UMODL1: variants seen among roughly 807,000 people sequenced by gnomAD.
UMODL1 encodes uromodulin-like 1.
A neutral mutation model predicts 136.3 loss-of-function variants in UMODL1; 128 were observed. The observed-to-expected ratio is 0.94, with a 90% CI of 0.81 to 1.09. The LOEUF is 1.09. Among genes scored for constraint, UMODL1 ranks in the 50% least tolerant of loss-of-function variants. UMODL1 has a pLI of 0.00. For missense variants in UMODL1, 1,766 were observed against 1,725.6 expected, an observed-to-expected ratio of 1.02 and a Z score of -0.41; for synonymous variants, 721 against 720.0, an observed-to-expected ratio of 1.00 and a Z score of -0.02.
intron 22 of UMODL1, among the ~76,000 whole-genome samples, chr21:42,137,961 A>G (rs2067231381): frequency 6.6e-6 from 1 of 152,170 alleles, no homozygotes; most frequent in South Asian, 2.1e-4. Flanking sequence ...AAAAGCAACC[A>G]GGAGCAGGCA....
At chr21:42,090,959 C>T (rs773195430) in intron 6 of UMODL1, among the ~76,000 whole-genome samples, 13 of 152,204 alleles carry the variant, frequency 8.5e-5, no homozygotes, top group Non-Finnish European at 1.6e-4. Flanking sequence ...AGTGAGCTGC[C>T]GTTTTTTTCT....
chr21:42,124,248 C>A (rs2067021042), intron 17 of UMODL1, among the ~76,000 whole-genome samples: 1 of 152,230 alleles, frequency 6.6e-6, no homozygotes, highest in African/African-American at 2.4e-5. Context: ...CACCTTCCAC[C>A]AGCTCAGCCT....
chr21:42,110,884 C>G lies in UMODL1; in HGVS notation c.1662C>G (p.Asp554Glu), dbSNP rs760890845. 2.4e-5 allele frequency: 39 copies of G among 1,601,784 alleles called. No homozygotes were observed. In the Middle Eastern group the frequency reaches 3.6e-3, roughly 150 times the overall value. ...ACAGTGGATGTGTCTTGGCAGGTGA[C>G]CTGGTGAGCCCCATGGGCGGTGGAC... ...PSRAGRACEGDLVSPMGGGLS... is the reference protein window; with the variant it reads ...PSRAGRACEGELVSPMGGGLS... Residue 554 changes from aspartate to glutamate, a missense_variant, in exon 11 of 23, where the codon GAC becomes GAG. Coordinates refer to ENST00000408910, the MANE Select transcript of UMODL1 (RefSeq NM_001004416.3).
intron 9 of UMODL1, among the ~76,000 whole-genome samples, chr21:42,106,264 C>T (rs930398345): frequency 2.0e-5 from 3 of 152,224 alleles, no homozygotes; most frequent in South Asian, 4.1e-4. Context: ...GGGACATCCA[C>T]CCCCGCTGAG....
Position 42,126,869 on chromosome 21 carries a change from C to T in UMODL1, c.3294-137C>T, listed in dbSNP as rs141131957. ...TGAATAAATGGCCTCCAAGTGCTCTCGTTTGGGGTTGAGGGGGTCTTCTCG... is the reference window on the plus strand; with the variant it reads ...TGAATAAATGGCCTCCAAGTGCTCTTGTTTGGGGTTGAGGGGGTCTTCTCG... On this transcript the variant is annotated intron_variant, in intron 18 of 22. Transcript: ENST00000408910. 104 of 797,796 alleles carry T rather than the reference C, an allele frequency of 1.3e-4. No individual in the cohort carries two copies. The East Asian group carries it at 2.2e-3, about 17-fold the overall frequency. The allele number at this position is 797,796 out of a possible 1,614,324, so 49.4% of individuals were successfully genotyped here.
chr21:42,111,599 C>T lies in UMODL1; in HGVS notation c.1993C>T (p.Arg665Trp), dbSNP rs370365302. The T allele has an allele frequency of 1.2e-5, 19 of 1,614,148 alleles. No homozygotes were observed. The African/African-American group carries it at 1.2e-4, about 10-fold the overall frequency. ...HFLWHATRST[R>W]ETLLNPTWLR... ...CCTGTGGCATGCCACCCGTTCCACC[C>T]GGGAAACACTTCTGAATCCCACGTG... The change falls in exon 12 of 23, where the codon CGG becomes TGG. Residue 665 changes from arginine to tryptophan, a missense_variant. Transcript: ENST00000408910.
intron 21 of UMODL1, among the ~76,000 whole-genome samples, chr21:42,133,381 C>G (rs1026122885): frequency 2.6e-5 from 4 of 152,246 alleles, no homozygotes; most frequent in African/African-American, 9.6e-5. Flanking sequence ...GGTACCTGCA[C>G]GAGCTGGGCC....
upstream of UMODL1, among the ~76,000 whole-genome samples, chr21:42,068,632 G>T (rs536556272): frequency 2.0e-5 from 3 of 152,172 alleles, no homozygotes; most frequent in Non-Finnish European, 4.4e-5. This position sits in a 1 kb window ranked among gnomAD's most constrained non-coding sequence, Gnocchi z 5.5. Context: ...CCCGGCAGCC[G>T]TTACCATGCA....
At chr21:42,124,197 T>G (rs922130083) in intron 17 of UMODL1, among the ~76,000 whole-genome samples, 4 of 152,180 alleles carry the variant, frequency 2.6e-5, no homozygotes, top group African/African-American at 9.6e-5. Flanking sequence ...AGGCTTCGTG[T>G]TCAGGGCCCT....
In UMODL1 at chr21:42,121,133, A is replaced by G; in HGVS notation, c.2736A>G (p.Thr912=). ...ERKEDDCVPG[T]SCRNTLGSFT... is the part of the protein sequence containing the mutation. ...AGGAGGACGACTGTGTGCCGGGGAC[A>G]TCCTGTCGAAACACCCTCGGGTCTT... Residue 912 remains threonine (T), a synonymous_variant, in exon 16 of 23, where the codon ACA becomes ACG. Coordinates refer to ENST00000408910, the MANE Select transcript of UMODL1 (RefSeq NM_001004416.3). The G allele has an allele frequency of 6.2e-7, 1 of 1,614,144 alleles. No individual in the cohort carries two copies. The highest frequency in any genetic ancestry group is 8.5e-7 in the Non-Finnish European group (1 of 1,180,012).
At chr21:42,130,706 G>A (rs1038347983) in intron 21 of UMODL1, among the ~76,000 whole-genome samples, 3 of 152,082 alleles carry the variant, frequency 2.0e-5, no homozygotes, top group Non-Finnish European at 2.9e-5. Context: ...CCTACCCTCT[G>A]CCTCTTTCTT....
At chr21:42,127,540 C>G in intron 19 of UMODL1, 132 bp from the exon 20 acceptor site, 3 of 1,119,834 alleles carry the variant, frequency 2.7e-6, no homozygotes, top group Non-Finnish European at 3.7e-6. Flanking sequence ...AAATGAGGTG[C>G]CCGGTCCTCG....
In UMODL1 at chr21:42,137,548, C is replaced by T; in HGVS notation, c.3885C>T (p.Tyr1295=). The change falls in exon 22 of 23, where the codon TAC becomes TAT. Residue 1295 remains tyrosine (Y), a synonymous_variant. Transcript: ENST00000408910. ...AGTATLLIVR[Y]QRMNGRYNFK... ...CAGCCACCCTTCTGATCGTGCGCTA[C>T]CAGAGAATGAATGGGAGATACAACT... The T allele has an allele frequency of 1.2e-6, 2 of 1,614,182 alleles. No individual in the cohort carries two copies. Among genetic ancestry groups the T allele is most frequent in the Non-Finnish European group, 8.5e-7 (1 of 1,180,050 alleles).
In UMODL1 at chr21:42,077,244, C is replaced by T. The variant is rs140418384; in HGVS notation, c.319+997C>T. Among the ~76,000 whole-genome samples the T allele has an allele frequency of 2.4e-4, 37 of 152,096 alleles. No individual in the cohort carries two copies. In the East Asian group the frequency reaches 7.0e-3, roughly 29 times the overall value. On this transcript the variant is annotated intron_variant, in intron 2 of 22. Coordinates refer to ENST00000408910, the MANE Select transcript of UMODL1 (RefSeq NM_001004416.3). ...TCCAGAGTGCAGAAGCCACCAGCTC[C>T]TGGGTGCCACGAAGGGGATCCTGCA...
rs1388639183 is a variant in UMODL1 at position 42,109,093 on chromosome 21, G to A, written c.1520-469G>A. 1.3e-4 allele frequency among the ~76,000 whole-genome samples: 7 copies of A among 54,228 alleles called. 1 individual carries two copies. Among genetic ancestry groups the A allele is most frequent in the Non-Finnish European group, 2.1e-4 (6 of 29,116 alleles). 35.6% of individuals were successfully genotyped at this position (54,228 alleles called of 152,430 possible). ...TATACTCCGCTGGACCCCCACCCCC[G>A]GCGTGGAAAGCTGGTGTTATACTCC... is the stretch of plus-strand genomic sequence containing the variant. On this transcript the variant is annotated intron_variant, in intron 9 of 22. Transcript: ENST00000408910.
At position 42,108,896 on chromosome 21, in the gene UMODL1, G is replaced by A. The variant is rs74200958; in HGVS notation, c.1520-666G>A. The stretch of plus-strand genomic sequence containing the variant: ...ACCCCCGGCGTGGGAAGTTCATGTT[G>A]TACTCAGGCTGACCCCCACCCCCCC... On this transcript the variant is annotated intron_variant, in intron 9 of 22. Transcript: ENST00000408910. Among the ~76,000 whole-genome samples the A allele has an allele frequency of 5.3e-3, 314 of 58,804 alleles. 1 individual carries two copies. Among genetic ancestry groups the A allele is most frequent in the Middle Eastern group, 0.011 (1 of 88 alleles). 38.6% of individuals were successfully genotyped at this position (58,804 alleles called of 152,430 possible).
chr21:42,123,678 G>A lies in UMODL1; in HGVS notation c.3147+528G>A, dbSNP rs1267118135. On this transcript the variant is annotated intron_variant, in intron 17 of 22. Transcript: ENST00000408910. The surrounding 1 kb of genome is among the most constrained non-coding windows in gnomAD (Gnocchi z 4.4). ...GTATCGCGTGCTTGTGTGCGTGTGG[G>A]TGTGCATGCATGTATGAATGTGTGA... Among the ~76,000 whole-genome samples the A allele has an allele frequency of 1.3e-5, 2 of 152,038 alleles. No individual in the cohort carries two copies. Among genetic ancestry groups the A allele is most frequent in the East Asian group, 3.9e-4 (2 of 5,188 alleles).
intron 4 of UMODL1, among the ~76,000 whole-genome samples, chr21:42,086,330 C>T (rs1202276009): frequency 1.3e-5 from 2 of 152,232 alleles, no homozygotes; most frequent in South Asian, 4.1e-4. Context: ...TTTTGTGTGT[C>T]CCATATGTCC....
intron 1 of UMODL1, among the ~76,000 whole-genome samples, chr21:42,072,400 A>G (rs1182879362): frequency 6.6e-6 from 1 of 152,250 alleles, no homozygotes; most frequent in Non-Finnish European, 1.5e-5. Context: ...TTCACCCAGA[A>G]GCAGGATTTT....
Sources: gnomAD v4.1 joint callset for allele counts (sites outside exome capture counted in the v4.1 genomes callset) on GRCh38, gnomAD v4.1.1 for gene constraint, Gnocchi (gnomAD v3.1) non-coding constraint, MANE v1.5 for transcripts, NCBI Gene and HGNC (gene_info 2026-07-23, HGNC 2026-07-21) for gene names.